CP: variants seen among roughly 807,000 people sequenced by gnomAD.
The protein encoded by CP is caeruloplasmin.
A neutral mutation model predicts 122.4 loss-of-function variants in CP; 64 were observed. The ratio of observed to expected loss-of-function variants is 0.52; its 90% CI spans 0.43 to 0.64. The LOEUF (loss-of-function observed/expected upper bound fraction) is 0.64. Among genes scored for constraint, CP ranks in the 30% least tolerant of loss-of-function variants. The pLI is 0.00. For synonymous variants in CP, 440 were observed against 436.4 expected, an observed-to-expected ratio of 1.01 and a Z score of -0.10; for missense variants, 1,167 against 1,284.4, an observed-to-expected ratio of 0.91 and a Z score of 1.40.
rs765341479 is a variant in CP at position 149,185,256 on chromosome 3, A to G, written c.2268T>C (p.His756=). ...SPQREWEKEL[H]HLQEQNVSNA... is the part of the protein sequence containing the mutation. ...AGAATTACTTCTGCTCTTGTAAATG[A>G]TGCAGCTCCTTTTCCCACTCCCTTT... is the stretch of plus-strand genomic sequence containing the variant. The change falls in exon 12 of 19, where the codon CAT becomes CAC. Residue 756 remains histidine (H), a synonymous_variant. Transcript: ENST00000264613. 6.2e-6 allele frequency: 10 copies of G among 1,612,874 alleles called. No homozygotes were observed. The highest frequency in any genetic ancestry group is 8.5e-6 in the Non-Finnish European group (10 of 1,179,934).
chr3:149,179,768 C>G (rs1288603514), intron 14 of CP, 106 bp from the exon 15 acceptor site: 2 of 756,334 alleles, frequency 2.6e-6, no homozygotes, highest in Non-Finnish European at 4.6e-6. Flanking sequence ...TAACTAGGAC[C>G]CAGGAACTGG....
downstream of CP, among the ~76,000 whole-genome samples, chr3:149,168,777 G>A (rs1402217321): frequency 6.6e-6 from 1 of 152,160 alleles, no homozygotes; most frequent in Non-Finnish European, 1.5e-5. Context: ...GTTTTCAGAA[G>A]ATGGAAGTGT....
intron 1 of CP, among the ~76,000 whole-genome samples, chr3:149,221,001 A>G (rs1413065412): frequency 6.6e-6 from 1 of 152,220 alleles, no homozygotes; most frequent in Non-Finnish European, 1.5e-5. Context: ...CATTTAAGTT[A>G]CATGGAGCTT....
At chr3:149,208,255 T>G (rs572732945) in intron 4 of CP, among the ~76,000 whole-genome samples, 4 of 152,276 alleles carry the variant, frequency 2.6e-5, no homozygotes, top group Admixed American at 2.6e-4. Context: ...CTGTTCAAAC[T>G]GGGTGGCCCT....
chr3:149,212,770 T>G (rs1298441442), intron 1 of CP, 72 bp from the exon 2 acceptor site: 4 of 1,515,542 alleles, frequency 2.6e-6, no homozygotes, highest in East Asian at 4.8e-5. Flanking sequence ...TATAATTTAA[T>G]AACATTATAA....
intron 7 of CP, among the ~76,000 whole-genome samples, chr3:149,200,293 T>C (rs1727213429): frequency 6.6e-6 from 1 of 152,172 alleles, no homozygotes; most frequent in African/African-American, 2.4e-5. Context: ...GGATTTTCCA[T>C]GACCAAAATT....
intron 9 of CP, among the ~76,000 whole-genome samples, chr3:149,192,025 T>C (rs1252262683): frequency 1.3e-5 from 2 of 152,072 alleles, no homozygotes; most frequent in African/African-American, 2.4e-5. Context: ...CCAATGGCAG[T>C]TTTTTAGTTT....
chr3:149,202,605 C>CTTTTTTTTTTTTTTTTTTTTTTTTCT (rs34873592), intron 6 of CP, among the ~76,000 whole-genome samples: 1 of 106,814 alleles, frequency 9.4e-6, no homozygotes, highest in Admixed American at 1.1e-4. Context: ...TGTTGTTTGT[C>CTTTTTTTTTTTTTTTTTTTTTTTTCT]TTTTTTTTTT....
In CP at chr3:149,220,508, A is replaced by T. The variant is rs184365245; in HGVS notation, c.146+1139T>A. Among the ~76,000 whole-genome samples the T allele has an allele frequency of 6.1e-3, 931 of 152,132 alleles. 12 individuals are homozygous for T. Among genetic ancestry groups the T allele is most frequent in the South Asian group, 0.042 (204 of 4,810 alleles). On this transcript the variant is annotated intron_variant, in intron 1 of 18. Transcript: ENST00000264613. Reference sequence around the variant, plus strand: ...ACCAGGTTAAAAAAGAAATAATTACAAGATGTATTAGTTTTATTTACAACC... The same window carrying T: ...ACCAGGTTAAAAAAGAAATAATTACTAGATGTATTAGTTTTATTTACAACC...
intron 1 of CP, among the ~76,000 whole-genome samples, chr3:149,219,833 T>C (rs891646885): frequency 6.6e-6 from 1 of 151,332 alleles, no homozygotes; most frequent in Non-Finnish European, 1.5e-5. Flanking sequence ...AGTTTGGAAC[T>C]TCCTAGAGAC....
At chr3:149,164,618 AG>A (rs900910142) in intron 5 of CP, among the ~76,000 whole-genome samples, 3 of 152,216 alleles carry the variant, frequency 2.0e-5, no homozygotes, top group Non-Finnish European at 4.4e-5. Context: ...TTCCCAGTGT[AG>A]GTGCTAACAT....
At chr3:149,191,361 A>G (rs1316338276) in intron 9 of CP, among the ~76,000 whole-genome samples, 1 of 150,116 alleles carries the variant, frequency 6.7e-6, no homozygotes, top group Admixed American at 6.7e-5. Context: ...TCCCATATAC[A>G]CTAGAATAAA....
At chr3:149,206,421 T>C in intron 5 of CP, 82 bp from the exon 6 acceptor site, 4 of 1,500,834 alleles carry the variant, frequency 2.7e-6, no homozygotes, top group Non-Finnish European at 3.7e-6. Context: ...GCTCGGGTGA[T>C]GACAAGTAGA....
chr3:149,176,177 G>A, intron 18 of CP, 73 bp downstream of exon 18: 1 of 1,386,804 alleles, frequency 7.2e-7, no homozygotes, highest in Non-Finnish European at 1.0e-6. Flanking sequence ...ATTGGGGGAA[G>A]TATTTAGGCA....
At chr3:149,191,269 ACTG>A (rs1726535526) in intron 9 of CP, among the ~76,000 whole-genome samples, 2 of 128,402 alleles carry the variant, frequency 1.6e-5, no homozygotes, top group South Asian at 2.3e-4. Flanking sequence ...TTTTTGCAGA[ACTG>A]CTCACTTTCT....
chr3:149,175,706 G>A (rs181635843), intron 18 of CP, among the ~76,000 whole-genome samples: 7 of 117,294 alleles, frequency 6.0e-5, no homozygotes, highest in Admixed American at 1.6e-4. Context: ...CACATGGGGA[G>A]GGTTATTGCA....
downstream of CP, chr3:149,172,310 T>A (rs957430659): frequency 4.7e-6 from 4 of 851,150 alleles, no homozygotes; most frequent in Non-Finnish European, 7.5e-6. Context: ...AGTTTTTTAT[T>A]TTATATATCA....
chr3:149,207,316 A>G, intron 5 of CP, 47 bp downstream of exon 5: 1 of 1,612,840 alleles, frequency 6.2e-7, no homozygotes, highest in Non-Finnish European at 8.5e-7. Flanking sequence ...GATTCCCAGT[A>G]ACCACCTTTT....
intron 9 of CP, among the ~76,000 whole-genome samples, chr3:149,190,656 TAAA>T (rs146345788): frequency 3.1e-5 from 2 of 64,128 alleles, no homozygotes; most frequent in African/African-American, 4.6e-5. Context: ...AGACTCTGTC[TAAA>T]AAAAAAAAAA....
Sources: allele counts gnomAD v4.1 joint callset (sites outside exome capture counted in the v4.1 genomes callset), GRCh38; gene constraint gnomAD v4.1.1; transcripts MANE v1.5; gene names NCBI Gene and HGNC (gene_info 2026-07-23, HGNC 2026-07-21).